The following C11orf65 variants were observed in gnomAD, a reference collection of about 807,000 sequenced individuals.
The protein encoded by C11orf65 is chromosome 11 open reading frame 65.
In C11orf65, 38 loss-of-function variants were observed where a neutral mutation model predicts 35.3. That is an observed-to-expected ratio of 1.08 (90% CI 0.83 to 1.41). The LOEUF is 1.41. C11orf65 is among the 40% of genes most tolerant of loss of function. C11orf65 has a pLI of 0.00. For missense variants in C11orf65, 370 were observed against 367.1 expected (o/e 1.01, Z -0.06); for synonymous variants, 105 against 114.4 (o/e 0.92, Z 0.53).
chr11:108,341,013 C>T (rs946912203), intron 2 of C11orf65, among the ~76,000 whole-genome samples: 7 of 151,916 alleles, frequency 4.6e-5, no homozygotes, highest in African/African-American at 1.2e-4. Context: ...TTCCATTTTC[C>T]TGTTCAGAAC....
At chr11:108,416,196 T>C (rs1165925200) in intron 3 of C11orf65, among the ~76,000 whole-genome samples, 1 of 152,134 alleles carries the variant, frequency 6.6e-6, no homozygotes, top group Admixed American at 6.5e-5. Flanking sequence ...GCAAAACACA[T>C]ATCTGATAAA....
At chr11:108,329,390 GTTC>G, downstream of C11orf65, 1 of 735,756 alleles carries the variant, frequency 1.4e-6, no homozygotes, top group South Asian at 1.9e-5. Context: ...GGTCTTTTGG[GTTC>G]TTTTCGGTTT....
intron 2 of C11orf65, among the ~76,000 whole-genome samples, chr11:108,376,922 T>A (rs916906048): frequency 5.3e-5 from 8 of 152,022 alleles, no homozygotes; most frequent in Non-Finnish European, 7.3e-5. Flanking sequence ...CTCCCGAGAC[T>A]AAACCAGGAA....
chr11:108,360,603 C>A (rs1202335968), intron 2 of C11orf65, among the ~76,000 whole-genome samples: 1 of 149,484 alleles, frequency 6.7e-6, no homozygotes, highest in East Asian at 1.9e-4. Context: ...CCACCATGAT[C>A]CAGTGGGCTT....
chr11:108,327,489 A>T, downstream of C11orf65: 1 of 614,952 alleles, frequency 1.6e-6, no homozygotes, highest in Admixed American at 2.6e-5. Context: ...GGATTATTAA[A>T]ATAGTTGTAT....
At chr11:108,370,306 T>G (rs2091522488) in intron 2 of C11orf65, among the ~76,000 whole-genome samples, 1 of 152,118 alleles carries the variant, frequency 6.6e-6, no homozygotes, top group Admixed American at 6.5e-5. Flanking sequence ...TAAGCTCTTT[T>G]AATTCTTTCT....
intron 3 of C11orf65, among the ~76,000 whole-genome samples, chr11:108,411,133 G>C (rs569677109): frequency 6.6e-6 from 1 of 151,992 alleles, no homozygotes; most frequent in South Asian, 2.1e-4. Flanking sequence ...ATAAATTTCT[G>C]TCTGAGCTCT....
chr11:108,389,234 G>C (rs981630230), intron 7 of C11orf65, among the ~76,000 whole-genome samples: 30 of 152,198 alleles, frequency 2.0e-4, no homozygotes, highest in African/African-American at 6.3e-4. Context: ...CAAATATCTA[G>C]AGGTCTACAA....
At chr11:108,317,694 T>C (rs2084865488) in intron 6 of C11orf65, among the ~76,000 whole-genome samples, 1 of 142,516 alleles carries the variant, frequency 7.0e-6, no homozygotes, top group African/African-American at 2.7e-5. Flanking sequence ...ATACATACCA[T>C]ATATATAGTG....
chr11:108,383,305 C>A, intron 8 of C11orf65, 130 bp from the exon 9 acceptor site: 1 of 738,722 alleles, frequency 1.4e-6, no homozygotes, highest in East Asian at 3.0e-5. Context: ...CACCTGAAAC[C>A]AGAAACACCC....
chr11:108,440,064 T>C (rs1429362326), intron 2 of C11orf65, among the ~76,000 whole-genome samples: 2 of 152,136 alleles, frequency 1.3e-5, no homozygotes, highest in Non-Finnish European at 2.9e-5. Context: ...AAGTGAAATA[T>C]CTGGAAATAA....
At chr11:108,313,720 A>G (rs2084368886) in intron 6 of C11orf65, among the ~76,000 whole-genome samples, 1 of 152,144 alleles carries the variant, frequency 6.6e-6, no homozygotes, top group Admixed American at 6.5e-5. Context: ...TGAGGACTTG[A>G]TTTCACGTTA....
rs767670019 is a variant in C11orf65 at position 108,332,853 on chromosome 11, A to G, written c.300-1286T>C. ...AGTGTTGAGGCACTTTGTGATGCTT[A>G]TATTATATTAGCAAACTTAGATGCC... On this transcript the variant is annotated intron_variant, in intron 3 of 3. Transcript: ENST00000524755. The G allele has an allele frequency of 1.9e-6, 3 of 1,613,144 alleles. No individual in the cohort carries two copies. The highest frequency in any genetic ancestry group is 1.7e-6 in the Non-Finnish European group (2 of 1,179,656).
At chr11:108,364,482 C>A (rs1398150229) in intron 2 of C11orf65, among the ~76,000 whole-genome samples, 1 of 152,134 alleles carries the variant, frequency 6.6e-6, no homozygotes, top group African/African-American at 2.4e-5. Flanking sequence ...TAATATATAT[C>A]TCAAGATTCC....
chr11:108,343,394 GGTTATT>G, intron 2 of C11orf65: 1 of 1,613,006 alleles, frequency 6.2e-7, no homozygotes, highest in South Asian at 1.1e-5. Flanking sequence ...CAAAATTAAA[GGTTATT>G]GTAAGATTAT....
At position 108,382,819 on chromosome 11, in the gene C11orf65, C is replaced by T. The variant is rs182169113; in HGVS notation, c.*202G>A. On this transcript the variant is annotated 3_prime_UTR_variant, in exon 9 of 9. Coordinates refer to ENST00000393084, the MANE Select transcript of C11orf65 (RefSeq NM_152587.5). ...TAGAATACTACAGTTTCTCAGAATA[C>T]TAGGAATAATTTCTATATTTGCCAT... 7.9e-5 allele frequency: 78 copies of T among 984,432 alleles called. 1 individual carries two copies. The African/African-American group carries it at 1.2e-3, about 15-fold the overall frequency. The allele number at this position is 984,432 out of a possible 1,614,324, so 61.0% of individuals were successfully genotyped here.
At chr11:108,431,958 A>T (rs2092996363) in intron 2 of C11orf65, 120 bp from the exon 3 acceptor site, 1 of 485,058 alleles carries the variant, frequency 2.1e-6, no homozygotes, top group South Asian at 5.6e-5. Context: ...ATGTATCCAC[A>T]CTAGATTTTA....
intron 7 of C11orf65, 69 bp downstream of exon 7, chr11:108,393,139 A>G (rs1005791960): frequency 6.8e-7 from 1 of 1,469,340 alleles, no homozygotes. Flanking sequence ...TTCAACAAGG[A>G]AATAGGAAAT....
At chr11:108,361,393 A>G (rs1207905203) in intron 2 of C11orf65, among the ~76,000 whole-genome samples, 5 of 151,690 alleles carry the variant, frequency 3.3e-5, no homozygotes, top group South Asian at 2.1e-4. Context: ...TACAGATTCA[A>G]TGGCATCCCC....
Sources: gnomAD v4.1 joint callset for allele counts (sites outside exome capture counted in the v4.1 genomes callset) on GRCh38, gnomAD v4.1.1 for gene constraint, MANE v1.5 for transcripts, NCBI Gene and HGNC (gene_info 2026-07-23, HGNC 2026-07-21) for gene names.